The following FHIT variants were observed in gnomAD, a reference collection of about 807,000 sequenced individuals.
FHIT encodes fragile histidine triad diadenosine triphosphatase.
In FHIT, 19 loss-of-function variants were observed where a neutral mutation model predicts 17.9. The observed-to-expected ratio is 1.06, with a 90% CI of 0.74 to 1.56. FHIT has a LOEUF of 1.56. FHIT is among the 40% of genes most tolerant of loss of function. FHIT has a pLI of 0.00. For missense variants in FHIT, 248 were observed against 189.2 expected, an observed-to-expected ratio of 1.31 and a Z score of -1.82; for synonymous variants, 81 against 69.7, an observed-to-expected ratio of 1.16 and a Z score of -0.81.
rs999734603 is a variant in FHIT at position 59,747,437 on chromosome 3, C to T, written c.*2148G>A. Reference sequence around the variant, plus strand: ...AATCATGAGAACAGCATGGGAAAGACCCTCCCCCTTGATTCAGTTACCTCC... The same window carrying T: ...AATCATGAGAACAGCATGGGAAAGATCCTCCCCCTTGATTCAGTTACCTCC... On this transcript the variant is annotated 3_prime_UTR_variant, in exon 10 of 10. Transcript: ENST00000492590. 5.3e-5 allele frequency among the ~76,000 whole-genome samples: 8 copies of T among 152,036 alleles called. No individual in the cohort carries two copies. Among genetic ancestry groups the T allele is most frequent in the African/African-American group, 1.4e-4 (6 of 41,386 alleles).
At chr3:61,019,967 C>G (rs538117598) in intron 3 of FHIT, among the ~76,000 whole-genome samples, 1 of 152,192 alleles carries the variant, frequency 6.6e-6, no homozygotes, top group South Asian at 2.1e-4. Flanking sequence ...CTGCACCCAC[C>G]AACCTGTCAT....
chr3:60,399,344 A>C (rs138897993), intron 5 of FHIT, among the ~76,000 whole-genome samples: 7 of 152,140 alleles, frequency 4.6e-5, no homozygotes, highest in African/African-American at 1.4e-4. Flanking sequence ...ATCTTCTCAC[A>C]GTGTGTGAAG....
intron 7 of FHIT, among the ~76,000 whole-genome samples, chr3:59,934,984 C>G (rs527866650): frequency 1.4e-4 from 21 of 152,174 alleles, no homozygotes; most frequent in Admixed American, 4.6e-4. Flanking sequence ...ACAAACCTAA[C>G]CAACAGCTAT....
chr3:60,698,886 C>G (rs1035917317), intron 4 of FHIT, among the ~76,000 whole-genome samples: 2 of 152,118 alleles, frequency 1.3e-5, no homozygotes, highest in Non-Finnish European at 1.5e-5. Flanking sequence ...AAAAAATAAT[C>G]TATTAGCACA....
chr3:59,988,201 G>A (rs1274976338), intron 7 of FHIT, among the ~76,000 whole-genome samples: 1 of 152,096 alleles, frequency 6.6e-6, no homozygotes, highest in Non-Finnish European at 1.5e-5. Flanking sequence ...GTCACCTTCA[G>A]TGCTGAATAT....
At chr3:60,106,479 T>C (rs1469751658) in intron 5 of FHIT, among the ~76,000 whole-genome samples, 1 of 152,218 alleles carries the variant, frequency 6.6e-6, no homozygotes, top group East Asian at 1.9e-4. Context: ...GAAAAGGCAT[T>C]AAATCTGTGA....
At chr3:60,520,806 T>C (rs2035330115) in intron 5 of FHIT, among the ~76,000 whole-genome samples, 1 of 152,136 alleles carries the variant, frequency 6.6e-6, no homozygotes, top group Non-Finnish European at 1.5e-5. Flanking sequence ...CCCCTGAGGG[T>C]TTAATTTAAA....
At chr3:61,148,259 C>A (rs2037284784) in intron 2 of FHIT, among the ~76,000 whole-genome samples, 1 of 152,112 alleles carries the variant, frequency 6.6e-6, no homozygotes, top group Non-Finnish European at 1.5e-5. Context: ...ATACACAAAT[C>A]TTAAGTATAT....
chr3:60,647,790 C>G (rs1553687173), intron 4 of FHIT, among the ~76,000 whole-genome samples: 1 of 152,000 alleles, frequency 6.6e-6, no homozygotes, highest in African/African-American at 2.4e-5. Flanking sequence ...ATGTAGAATA[C>G]ATACAATGCA....
At chr3:60,065,530 G>C (rs181487063) in intron 5 of FHIT, among the ~76,000 whole-genome samples, 1 of 152,250 alleles carries the variant, frequency 6.6e-6, no homozygotes, top group East Asian at 1.9e-4. Flanking sequence ...AAGTACCTGA[G>C]AAATTCTGGA....
In FHIT at chr3:59,774,727, C is replaced by T. The variant is rs9878244; in HGVS notation, c.349-22406G>A. ...GGCATCATTTTCTGTCTTGTTCCAG[C>T]TGTTTAAGCACAGTTAAACAGCCCA... On this transcript the variant is annotated intron_variant, in intron 8 of 9. Coordinates refer to ENST00000492590, the MANE Select transcript of FHIT (RefSeq NM_002012.4). Among the ~76,000 whole-genome samples, 250 of 152,272 alleles carry T rather than the reference C, an allele frequency of 1.6e-3. 2 individuals are homozygous for T. Among genetic ancestry groups the T allele is most frequent in the African/African-American group, 5.8e-3 (241 of 41,542 alleles).
At chr3:60,359,942 A>C (rs77169519) in intron 5 of FHIT, among the ~76,000 whole-genome samples, 3,142 of 152,180 alleles carry the variant, frequency 0.021, 67 homozygotes, top group African/African-American at 0.055. Context: ...AGGGATGAAA[A>C]GCAATTATGC....
At chr3:60,088,642 T>C (rs932164275) in intron 5 of FHIT, among the ~76,000 whole-genome samples, 1 of 152,184 alleles carries the variant, frequency 6.6e-6, no homozygotes, top group Non-Finnish European at 1.5e-5. Context: ...TGGATCTCTC[T>C]TATGGGAGTT....
At chr3:60,339,544 G>C (rs1286986892) in intron 5 of FHIT, among the ~76,000 whole-genome samples, 1 of 152,088 alleles carries the variant, frequency 6.6e-6, no homozygotes, top group Non-Finnish European at 1.5e-5. Flanking sequence ...AGAGGGACGC[G>C]AGCCGATCAG....
chr3:61,000,767 A>G (rs973504803), intron 3 of FHIT, among the ~76,000 whole-genome samples: 1 of 152,180 alleles, frequency 6.6e-6, no homozygotes, highest in Non-Finnish European at 1.5e-5. Context: ...ACCCCAAAAC[A>G]GCAACAGGGA....
intron 3 of FHIT, among the ~76,000 whole-genome samples, chr3:60,916,599 A>G (rs1274069474): frequency 6.6e-6 from 1 of 152,206 alleles, no homozygotes; most frequent in African/African-American, 2.4e-5. Flanking sequence ...CTGGTCAGAG[A>G]GACCTTTAAT....
chr3:60,481,020 G>A (rs2033585018), intron 5 of FHIT, among the ~76,000 whole-genome samples: 1 of 152,184 alleles, frequency 6.6e-6, no homozygotes, highest in African/African-American at 2.4e-5. Flanking sequence ...GGTTTTCCAT[G>A]AGGGCTCTGC....
chr3:59,820,159 G>GTTAA (rs1353062025), intron 8 of FHIT, among the ~76,000 whole-genome samples: 3 of 152,214 alleles, frequency 2.0e-5, no homozygotes, highest in Non-Finnish European at 4.4e-5. Context: ...TACCTTGCCT[G>GTTAA]TTAATTTGCT....
At chr3:61,119,195 G>A (rs545104570) in intron 2 of FHIT, among the ~76,000 whole-genome samples, 3 of 152,134 alleles carry the variant, frequency 2.0e-5, no homozygotes, top group South Asian at 4.2e-4. Flanking sequence ...ATTCATAAGA[G>A]CTTAGCTTCA....
Sources: gnomAD v4.1 joint callset for allele counts (sites outside exome capture counted in the v4.1 genomes callset) on GRCh38, gnomAD v4.1.1 for gene constraint, MANE v1.5 for transcripts, NCBI Gene and HGNC (gene_info 2026-07-23, HGNC 2026-07-21) for gene names.